NDUFB9: variants seen among roughly 807,000 people sequenced by gnomAD.
NDUFB9 encodes the protein NADH dehydrogenase [ubiquinone] 1 beta subcomplex subunit 9.
NDUFB9 carries 24 observed loss-of-function variants against 30.2 expected under a neutral mutation model. The observed-to-expected ratio is 0.80, with a 90% confidence interval of 0.58 to 1.12. The LOEUF (loss-of-function observed/expected upper bound fraction) is 1.12. NDUFB9 is among the 50% of genes most tolerant of loss of function. The pLI is 0.00. For synonymous variants in NDUFB9, 80 were observed against 84.0 expected (o/e 0.95, Z 0.26); for missense variants, 204 against 226.0 (o/e 0.90, Z 0.62).
rs1054900202 is a variant in NDUFB9 at position 124,539,175 on chromosome 8, G to T, written c.-12G>T. On this transcript the variant is annotated 5_prime_UTR_variant, in exon 1 of 4. Coordinates refer to ENST00000276689, the MANE Select transcript of NDUFB9 (RefSeq NM_005005.3). ...CCGGCTCTCCGCGCGGCCGGGGAAG[G>T]TCAGCGCCGTAATGGCGTTCTTGGC... 6.2e-7 allele frequency: 1 copy of T among 1,614,170 alleles called. No homozygotes were observed. Among genetic ancestry groups the T allele is most frequent in the Non-Finnish European group, 8.5e-7 (1 of 1,179,986 alleles).
intron 1 of NDUFB9, among the ~76,000 whole-genome samples, chr8:124,540,315 T>C (rs1377104894): frequency 6.6e-6 from 1 of 152,252 alleles, no homozygotes; most frequent in Admixed American, 6.5e-5. Flanking sequence ...TTCTATGCTC[T>C]ATGCTAAATA....
intron 2 of NDUFB9, among the ~76,000 whole-genome samples, chr8:124,545,463 C>T (rs1192492444): frequency 6.6e-6 from 1 of 152,202 alleles, no homozygotes; most frequent in Non-Finnish European, 1.5e-5. Flanking sequence ...ATAATACTCT[C>T]CACCAGTAAA....
chr8:124,542,368 C>A (rs1043972730), intron 1 of NDUFB9, among the ~76,000 whole-genome samples: 1 of 152,188 alleles, frequency 6.6e-6, no homozygotes, highest in African/African-American at 2.4e-5. Context: ...CAGTAACTTA[C>A]CCCAAGTTAC....
chr8:124,547,151 T>A, intron 3 of NDUFB9, 38 bp downstream of exon 3: 1 of 1,511,100 alleles, frequency 6.6e-7, no homozygotes, highest in Non-Finnish European at 9.2e-7. Context: ...CTTAGCTATG[T>A]AGATGGAGTG....
In NDUFB9 at chr8:124,549,942, ACATGC is replaced by A; in HGVS notation, c.*51_*55del. ...GCTTGCAAGTGAAATATGTTACAGA[ACATGC>A]ACTTGCCCTAATAAAAAATCAGTGA... On this transcript the variant is annotated 3_prime_UTR_variant, in exon 4 of 4. Coordinates refer to ENST00000276689, the MANE Select transcript of NDUFB9 (RefSeq NM_005005.3). The A allele has an allele frequency of 6.2e-7, 1 of 1,613,214 alleles. No homozygotes were observed. Among genetic ancestry groups the A allele is most frequent in the South Asian group, 1.1e-5 (1 of 90,910 alleles).
Position 124,549,904 on chromosome 8 carries a change from CCT to C in NDUFB9, c.*14_*15del, listed in dbSNP as rs751308129. On this transcript the variant is annotated 3_prime_UTR_variant, in exon 4 of 4. Coordinates refer to ENST00000276689, the MANE Select transcript of NDUFB9 (RefSeq NM_005005.3). The stretch of plus-strand genomic sequence containing the variant: ...AGCGGCCCATGTAGAAAGAGAGAGA[CCT>C]CATCTTTCATGCTTGCAAGTGAAAT... The C allele has an allele frequency of 5.0e-6, 8 of 1,614,016 alleles. No homozygotes were observed. The East Asian group carries it at 1.6e-4, about 31-fold the overall frequency.
Position 124,540,908 on chromosome 8 carries a change from G to A in NDUFB9, c.101+1621G>A, listed in dbSNP as rs537770795. 2.6e-5 allele frequency among the ~76,000 whole-genome samples: 4 copies of A among 152,290 alleles called. No individual in the cohort carries two copies. In the East Asian group the frequency reaches 7.7e-4, roughly 29 times the overall value. On this transcript the variant is annotated intron_variant, in intron 1 of 3. Coordinates refer to ENST00000276689, the MANE Select transcript of NDUFB9 (RefSeq NM_005005.3). ...CTGTTGGCTGGGCATGATGGCTCAC[G>A]CCTATAATCCCAGTACTTTGGGAGG...
intron 2 of NDUFB9, among the ~76,000 whole-genome samples, chr8:124,544,847 A>G (rs937750080): frequency 2.6e-5 from 4 of 151,976 alleles, no homozygotes; most frequent in African/African-American, 9.7e-5. Context: ...GATTCCTCTG[A>G]TGGATTTGGG....
chr8:124,541,760 C>T (rs1250321325), intron 1 of NDUFB9, among the ~76,000 whole-genome samples: 1 of 152,120 alleles, frequency 6.6e-6, no homozygotes. Context: ...TGCGCCACCA[C>T]GCCTGGCTAA....
Position 124,549,969 on chromosome 8 carries a change from G to A in NDUFB9, c.*77G>A. 6.2e-7 allele frequency: 1 copy of A among 1,607,270 alleles called. No individual in the cohort carries two copies. The highest frequency in any genetic ancestry group is 1.7e-5 in the Admixed American group (1 of 59,370). On this transcript the variant is annotated 3_prime_UTR_variant, in exon 4 of 4. Transcript: ENST00000276689. The stretch of plus-strand genomic sequence containing the variant: ...ATGCACTTGCCCTAATAAAAAATCA[G>A]TGAAATGGTCTCTGGTATGACTGAC...
At chr8:124,539,401 C>T in intron 1 of NDUFB9, 114 bp downstream of exon 1, 1 of 916,338 alleles carries the variant, frequency 1.1e-6, no homozygotes, top group Non-Finnish European at 1.8e-6. Context: ...TGGAAGGTGG[C>T]CTCTCGCTTC....
chr8:124,543,832 A>AC (rs1822091832), intron 2 of NDUFB9, among the ~76,000 whole-genome samples: 1 of 152,196 alleles, frequency 6.6e-6, no homozygotes, highest in Non-Finnish European at 1.5e-5. Flanking sequence ...ACAATTAACG[A>AC]CCATACCATA....
At chr8:124,543,019 T>C (rs1822059502) in intron 1 of NDUFB9, 68 bp from the exon 2 acceptor site, 1 of 1,540,390 alleles carries the variant, frequency 6.5e-7, no homozygotes, top group Non-Finnish European at 9.0e-7. Flanking sequence ...TGCAGCCTCC[T>C]GTCAGACAGC....
intron 2 of NDUFB9, among the ~76,000 whole-genome samples, chr8:124,545,677 C>G (rs1271844742): frequency 2.0e-5 from 3 of 152,108 alleles, no homozygotes; most frequent in East Asian, 1.9e-4. Context: ...AACAGAGGCA[C>G]AACACCACAC....
At chr8:124,548,964 C>G (rs1822243798) in intron 3 of NDUFB9, among the ~76,000 whole-genome samples, 1 of 152,094 alleles carries the variant, frequency 6.6e-6, no homozygotes, top group African/African-American at 2.4e-5. Context: ...AAGGGGGACC[C>G]GAAGGAAGGG....
At chr8:124,543,686 C>A (rs1419232687) in intron 2 of NDUFB9, among the ~76,000 whole-genome samples, 4 of 152,146 alleles carry the variant, frequency 2.6e-5, no homozygotes, top group Non-Finnish European at 4.4e-5. Flanking sequence ...CACAAAAAAA[C>A]CATGCCCACA....
At chr8:124,544,782 C>A (rs1822114407) in intron 2 of NDUFB9, among the ~76,000 whole-genome samples, 1 of 151,736 alleles carries the variant, frequency 6.6e-6, no homozygotes, top group African/African-American at 2.4e-5. Context: ...TTTCCACTTG[C>A]AAGTTTTATT....
Position 124,539,249 on chromosome 8 carries a change from G to T in NDUFB9, c.63G>T (p.Lys21Asn). The T allele has an allele frequency of 1.2e-6, 2 of 1,614,240 alleles. No individual in the cohort carries two copies. Among genetic ancestry groups the T allele is most frequent in the African/African-American group, 2.7e-5 (2 of 75,068 alleles). Reference sequence around the variant, plus strand: ...AGCAAAAGGTGTTGCGGCTTTATAAGCGGGCGCTACGCCACCTCGAGTCGT... The same window carrying T: ...AGCAAAAGGTGTTGCGGCTTTATAATCGGGCGCTACGCCACCTCGAGTCGT... ...THQQKVLRLY[K>N]RALRHLESWC... The change falls in exon 1 of 4, where the codon AAG becomes AAT. Residue 21 changes from lysine (K) to asparagine (N), a missense_variant. Physicochemically the swap from Lys to Asn is moderately conservative, Grantham distance 94. Coordinates refer to ENST00000276689, the MANE Select transcript of NDUFB9 (RefSeq NM_005005.3).
chr8:124,543,052 A>G lies in NDUFB9; in HGVS notation c.102-35A>G, dbSNP rs868206128. 7 of 1,606,488 alleles carry G rather than the reference A, an allele frequency of 4.4e-6. No individual in the cohort carries two copies. In the Middle Eastern group the frequency reaches 1.3e-3, roughly 309 times the overall value. On this transcript the variant is annotated intron_variant, in intron 1 of 3. Transcript: ENST00000276689. ...AGCAACACTGACCACGTGAGTAGGT[A>G]ACATTTCTAATCTTCAAAATCATTT... is the stretch of plus-strand genomic sequence containing the variant.
Sources: allele counts gnomAD v4.1 joint callset (sites outside exome capture counted in the v4.1 genomes callset), GRCh38; gene constraint gnomAD v4.1.1; transcripts MANE v1.5; gene names NCBI Gene and HGNC (gene_info 2026-07-23, HGNC 2026-07-21).